RELN: variants seen among roughly 807,000 people sequenced by gnomAD.
RELN encodes the protein reelin.
A neutral mutation model predicts 427.6 loss-of-function variants in RELN; 108 were observed. The observed-to-expected ratio is 0.25, with a 90% confidence interval of 0.22 to 0.30. The LOEUF is 0.30. Among genes scored for constraint, RELN ranks in the 10% least tolerant of loss-of-function variants. The probability of loss-of-function intolerance (pLI) is 1.00; values close to 1 mark genes in which losing one functional copy is unlikely to be tolerated. For missense variants in RELN, 3,715 were observed against 4,302.8 expected (o/e 0.86, Z 3.82); for synonymous variants, 1,524 against 1,513.4 (o/e 1.01, Z -0.16).
chr7:103,872,030 A>ATATATTTT lies in RELN; in HGVS notation c.338-38359_338-38358insAAAATATA, dbSNP rs773045936. On this transcript the variant is annotated intron_variant, in intron 2 of 64. Transcript: ENST00000428762. ...AGTATATGAATATATATATATATAT[A>ATATATTTT]TTTTTCTTTTTTCTTTTTTTTCTTT... Among the ~76,000 whole-genome samples the ATATATTTT allele has an allele frequency of 4.9e-3, 672 of 138,442 alleles. 3 individuals are homozygous for ATATATTTT. The highest frequency in any genetic ancestry group is 0.014 in the South Asian group (64 of 4,572). The allele number at this position is 138,442 out of a possible 152,430, so 90.8% of individuals were successfully genotyped here.
intron 38 of RELN, among the ~76,000 whole-genome samples, chr7:103,556,427 G>A (rs542504048): frequency 3.5e-5 from 3 of 86,490 alleles, no homozygotes; most frequent in Non-Finnish European, 6.3e-5. Context: ...TTATATATAC[G>A]TGTATATATA....
At chr7:103,822,498 T>C (rs994908186) in intron 3 of RELN, among the ~76,000 whole-genome samples, 1 of 152,072 alleles carries the variant, frequency 6.6e-6, no homozygotes, top group African/African-American at 2.4e-5. Flanking sequence ...CACCAGCACA[T>C]GCCTAAAGGT....
intron 50 of RELN, among the ~76,000 whole-genome samples, chr7:103,514,820 C>CAGAT (rs2117075096): frequency 6.6e-6 from 1 of 152,192 alleles, no homozygotes; most frequent in Admixed American, 6.5e-5. Context: ...TATTTGTCTT[C>CAGAT]AGATACTAAA....
rs1350071155 is a variant in RELN at position 103,603,910 on chromosome 7, T to G, written c.3147-420A>C. On this transcript the variant is annotated intron_variant, in intron 23 of 64. Transcript: ENST00000428762. The surrounding 1 kb of genome is among the most constrained non-coding windows in gnomAD (Gnocchi z 4.3). ...CCTCTTTCTGATTAAACTATGCCTT[T>G]TTTAGAGTCTTTAGGTATTCAAGTG... Among the ~76,000 whole-genome samples, 1 of 152,168 alleles carries G rather than the reference T, an allele frequency of 6.6e-6. No individual in the cohort carries two copies. The highest frequency in any genetic ancestry group is 1.9e-4 in the East Asian group (1 of 5,190).
chr7:103,538,145 T>C (rs1830097697), intron 45 of RELN, among the ~76,000 whole-genome samples: 1 of 152,142 alleles, frequency 6.6e-6, no homozygotes, highest in Non-Finnish European at 1.5e-5. Context: ...GTAGAAAGAG[T>C]ATCTCTGGCA....
chr7:103,905,895 T>G (rs1795194292), intron 2 of RELN, among the ~76,000 whole-genome samples: 1 of 151,998 alleles, frequency 6.6e-6, no homozygotes, highest in African/African-American at 2.4e-5. Flanking sequence ...GGGGAAGGGT[T>G]CTAAAGTTTT....
intron 10 of RELN, among the ~76,000 whole-genome samples, chr7:103,693,707 G>A (rs1419000182): frequency 6.6e-5 from 10 of 152,096 alleles, no homozygotes; most frequent in Admixed American, 6.6e-4. Flanking sequence ...CTTAAGCATG[G>A]AGGCAGCATA....
At chr7:103,910,439 C>G (rs1305865727) in intron 2 of RELN, among the ~76,000 whole-genome samples, 5 of 151,882 alleles carry the variant, frequency 3.3e-5, no homozygotes, top group African/African-American at 9.7e-5. Context: ...GCCAGAACTT[C>G]CAACACTATG....
chr7:103,972,919 T>TGTGC (rs749802741), intron 1 of RELN, among the ~76,000 whole-genome samples: 39 of 151,870 alleles, frequency 2.6e-4, no homozygotes, highest in African/African-American at 8.7e-4. Flanking sequence ...TGTGTGTGTG[T>TGTGC]GCTACAAGAT....
At position 103,551,127 on chromosome 7, in the gene RELN, G is replaced by A. The variant is rs1830400312; in HGVS notation, c.6242C>T (p.Ala2081Val). The A allele has an allele frequency of 6.2e-7, 1 of 1,614,026 alleles. No homozygotes were observed. The highest frequency in any genetic ancestry group is 2.2e-5 in the East Asian group (1 of 44,866). The change falls in exon 41 of 65, where the codon GCA becomes GTA. Residue 2081 changes from alanine to valine, a missense_variant. Around this residue, in one of 4 missense-constraint regions of RELN, gnomAD observed 1,310 missense variants for 1,643.0 expected, o/e 0.80. Coordinates refer to ENST00000428762, the MANE Select transcript of RELN (RefSeq NM_005045.4). ...CCTCCTCCAGCCCTGCATGGTTCCT[G>A]CGTAGTAGGTGCTGCTGGGGTGGTG... ...TEHHPSSTYY[A>V]GTMQGWRREV...
In RELN at chr7:103,566,704, C is replaced by A; in HGVS notation, c.4644G>T (p.Glu1548Asp). 1 of 1,614,136 alleles carries A rather than the reference C, an allele frequency of 6.2e-7. No individual in the cohort carries two copies. Among genetic ancestry groups the A allele is most frequent in the African/African-American group, 1.3e-5 (1 of 75,048 alleles). ...GTTCCAGGAAGGACATGAAGTCCAACTCTCGAAGCAAATGCCAGAGTATCC... is the reference window on the plus strand; with the variant it reads ...GTTCCAGGAAGGACATGAAGTCCAAATCTCGAAGCAAATGCCAGAGTATCC... Reference protein sequence around the residue: ...DNGILWHLLRELDFMSFLEPQ... With the variant: ...DNGILWHLLRDLDFMSFLEPQ... The change falls in exon 32 of 65, where the codon GAG becomes GAT. Residue 1548 changes from glutamate (E) to aspartate (D), a missense_variant. Physicochemically the swap from Glu to Asp is conservative, Grantham distance 45. Around this residue, in one of 4 missense-constraint regions of RELN, gnomAD observed 2,208 missense variants for 2,361.7 expected, o/e 0.93. Transcript: ENST00000428762.
At chr7:103,638,834 A>T (rs1050005760) in intron 17 of RELN, among the ~76,000 whole-genome samples, 1 of 152,246 alleles carries the variant, frequency 6.6e-6, no homozygotes, top group African/African-American at 2.4e-5. Context: ...TGTATCCACC[A>T]TGGGTGGCAT....
intron 1 of RELN, among the ~76,000 whole-genome samples, chr7:103,975,514 A>AATTTTTAT (rs1796851628): frequency 1.1e-5 from 1 of 89,486 alleles, no homozygotes; most frequent in Admixed American, 1.1e-4. Context: ...AGAATGGAGC[A>AATTTTTAT]GTATTTATTT....
At chr7:103,786,890 A>G (rs1792032226) in intron 3 of RELN, among the ~76,000 whole-genome samples, 1 of 152,194 alleles carries the variant, frequency 6.6e-6, no homozygotes, top group Admixed American at 6.5e-5. Context: ...CCAAGTCAAC[A>G]GAATATACAT....
chr7:103,880,812 C>T (rs1055744554), intron 2 of RELN, among the ~76,000 whole-genome samples: 2 of 152,172 alleles, frequency 1.3e-5, no homozygotes, highest in Non-Finnish European at 2.9e-5. Context: ...ACCACCTCAG[C>T]TTCCCGAGTA....
At position 103,490,713 on chromosome 7, in the gene RELN, C is replaced by T. The variant is rs754242931; in HGVS notation, c.9560G>A (p.Ser3187Asn). The change falls in exon 59 of 65, where the codon AGC becomes AAC. Residue 3187 changes from serine to asparagine, a missense_variant. Coordinates refer to ENST00000428762, the MANE Select transcript of RELN (RefSeq NM_005045.4). Reference sequence around the variant, plus strand: ...CAGCTGGATGGTGATTCTTTTCCAGCTTGAGCTGTTGACAGAGTTGTAGAT... The same window carrying T: ...CAGCTGGATGGTGATTCTTTTCCAGTTTGAGCTGTTGACAGAGTTGTAGAT... The part of the protein sequence containing the change: ...ATIYNSVNSS[S>N]WKRITIQLPD... The T allele has an allele frequency of 9.3e-6, 15 of 1,614,020 alleles. No individual in the cohort carries two copies. The South Asian group carries it at 1.3e-4, about 14-fold the overall frequency.
intron 1 of RELN, among the ~76,000 whole-genome samples, chr7:103,937,736 G>A (rs1743630434): frequency 6.6e-6 from 1 of 152,182 alleles, no homozygotes; most frequent in African/African-American, 2.4e-5. Context: ...AACATCTGGA[G>A]ATCAGAATTC....
chr7:103,588,961 T>C (rs1831344482), intron 28 of RELN, among the ~76,000 whole-genome samples: 2 of 138,102 alleles, frequency 1.4e-5, no homozygotes, highest in Admixed American at 1.4e-4. Flanking sequence ...AGTTATAATT[T>C]GTTTCATGCA....
chr7:103,908,452 T>C (rs921160571), intron 2 of RELN, among the ~76,000 whole-genome samples: 1 of 152,124 alleles, frequency 6.6e-6, no homozygotes, highest in Non-Finnish European at 1.5e-5. Context: ...TGGAGGTAAG[T>C]ATGTTGCTCA....
Sources: allele counts gnomAD v4.1 joint callset (sites outside exome capture counted in the v4.1 genomes callset), GRCh38; gene constraint gnomAD v4.1.1; regional missense constraint gnomAD v4.1.1; non-coding constraint Gnocchi (gnomAD v3.1); transcripts MANE v1.5; gene names NCBI Gene and HGNC (gene_info 2026-07-23, HGNC 2026-07-21).